EYS: variants seen among roughly 807,000 people sequenced by gnomAD.
The protein encoded by EYS is EGF-like photoreceptor maintenance factor, also known as protein eyes shut homolog.
In EYS, 250 loss-of-function variants were observed where a neutral mutation model predicts 282.1. The observed-to-expected ratio is 0.89, with a 90% CI of 0.80 to 0.98. EYS has a LOEUF of 0.98. EYS is among the 50% of genes least tolerant of loss of function. The probability of loss-of-function intolerance (pLI) is 0.00; values close to 1 mark genes in which losing one functional copy is unlikely to be tolerated. For missense variants in EYS, 4,016 were observed against 3,709.0 expected, an observed-to-expected ratio of 1.08 and a Z score of -2.15; for synonymous variants, 1,355 against 1,282.9, an observed-to-expected ratio of 1.06 and a Z score of -1.20.
At position 63,762,481 on chromosome 6, in the gene EYS, G is replaced by C; in HGVS notation, c.8051C>G (p.Thr2684Ser). ...CTCACCTTGTTCACAGTAGATTCCA[G>C]TGGTTCCTAGAGGACAGAAACAGGT... ...GYTCFCPLGT[T>S]GIYCEQALSI... Residue 2684 changes from threonine (T) to serine (S), a missense_variant, in exon 41 of 43, where the codon ACT (threonine) becomes AGT (serine). By Grantham distance (58) the Thr-to-Ser change is moderately conservative. Coordinates refer to ENST00000503581, the MANE Select transcript of EYS (RefSeq NM_001142800.2). The C allele has an allele frequency of 6.5e-7, 1 of 1,550,138 alleles. No homozygotes were observed. Among genetic ancestry groups the C allele is most frequent in the Non-Finnish European group, 8.7e-7 (1 of 1,145,900 alleles).
At chr6:64,481,108 T>C (rs755201920) in intron 26 of EYS, among the ~76,000 whole-genome samples, 6 of 151,330 alleles carry the variant, frequency 4.0e-5, no homozygotes, top group Non-Finnish European at 7.4e-5. Flanking sequence ...ATGTATTTAA[T>C]GTGCTGTTTA....
In EYS at chr6:63,984,556, T is replaced by C. The variant is rs1767266724; in HGVS notation, c.6882A>G (p.Gln2294=). The C allele has an allele frequency of 1.3e-6, 2 of 1,549,612 alleles. No individual in the cohort carries two copies. Among genetic ancestry groups the C allele is most frequent in the Non-Finnish European group, 1.7e-6 (2 of 1,145,572 alleles). The change falls in exon 35 of 43, where the codon CAA becomes CAG. Residue 2294 remains glutamine, a synonymous_variant. Coordinates refer to ENST00000503581, the MANE Select transcript of EYS (RefSeq NM_001142800.2). The stretch of plus-strand genomic sequence containing the variant: ...AAACAGGACCTGCTTTCTTATGAAT[T>C]TGAACATTTGCAGGAATATGGCCAA... ...MFLGHIPANV[Q]IHKKAGPVYG...
chr6:63,851,573 C>T (rs1030504008), intron 36 of EYS, among the ~76,000 whole-genome samples: 10 of 152,176 alleles, frequency 6.6e-5, no homozygotes, highest in Admixed American at 3.9e-4. Context: ...TGAATGACTA[C>T]TGGGTAAATA....
chr6:64,732,974 T>A (rs949988862), intron 22 of EYS, among the ~76,000 whole-genome samples: 15 of 152,196 alleles, frequency 9.9e-5, no homozygotes, highest in African/African-American at 3.6e-4. Flanking sequence ...CAGTGCTGTG[T>A]TGTGCAAATG....
intron 14 of EYS, among the ~76,000 whole-genome samples, chr6:64,958,347 A>G (rs562910449): frequency 6.6e-6 from 1 of 152,224 alleles, no homozygotes; most frequent in South Asian, 2.1e-4. Flanking sequence ...GCGCCACTGC[A>G]CTCCAGCCTG....
chr6:65,225,110 C>T (rs1299162426), intron 12 of EYS, among the ~76,000 whole-genome samples: 2 of 151,538 alleles, frequency 1.3e-5, no homozygotes, highest in African/African-American at 4.8e-5. Context: ...CAAAGTCAAA[C>T]AAAAGGAACA....
At chr6:65,380,687 C>G (rs1212713569) in intron 8 of EYS, among the ~76,000 whole-genome samples, 1 of 152,014 alleles carries the variant, frequency 6.6e-6, no homozygotes, top group Non-Finnish European at 1.5e-5. Context: ...AACAGGCAAC[C>G]TACAGAATGG....
intron 12 of EYS, among the ~76,000 whole-genome samples, chr6:65,287,958 G>C (rs1486548661): frequency 6.6e-6 from 1 of 151,062 alleles, no homozygotes; most frequent in Non-Finnish European, 1.5e-5. Context: ...AGGGATCAAA[G>C]TAGGCAAAAA....
chr6:64,397,491 A>T (rs1773417450), intron 28 of EYS, among the ~76,000 whole-genome samples: 1 of 152,014 alleles, frequency 6.6e-6, no homozygotes, highest in South Asian at 2.1e-4. Context: ...GATATAAATT[A>T]TCTATGATCA....
intron 31 of EYS, among the ~76,000 whole-genome samples, chr6:64,176,567 T>C (rs1328627276): frequency 6.6e-6 from 1 of 151,938 alleles, no homozygotes. Context: ...CTTTTGAAAT[T>C]TGGAATCTGA....
At chr6:64,412,953 GA>G (rs140853683) in intron 28 of EYS, among the ~76,000 whole-genome samples, 38 of 152,182 alleles carry the variant, frequency 2.5e-4, no homozygotes, top group East Asian at 2.1e-3. Flanking sequence ...TAATTTAGCC[GA>G]ATTTATGATG....
At chr6:65,095,065 A>C (rs1774699822) in intron 12 of EYS, among the ~76,000 whole-genome samples, 1 of 151,128 alleles carries the variant, frequency 6.6e-6, no homozygotes, top group South Asian at 2.1e-4. Flanking sequence ...GCAATTCCTC[A>C]CCAAAAGATT....
In EYS at chr6:64,258,354, T is replaced by C. The variant is rs1767472342; in HGVS notation, c.6192-27530A>G. On this transcript the variant is annotated intron_variant, in intron 30 of 42. Coordinates refer to ENST00000503581, the MANE Select transcript of EYS (RefSeq NM_001142800.2). ...AAGCTGGAGAGTGAACCCCCAAGGCTGGCCTAATGAGAATGGCACTAAAAT... is the reference window on the plus strand; with the variant it reads ...AAGCTGGAGAGTGAACCCCCAAGGCCGGCCTAATGAGAATGGCACTAAAAT... 2.0e-5 allele frequency among the ~76,000 whole-genome samples: 3 copies of C among 152,010 alleles called. No individual in the cohort carries two copies. In the South Asian group the frequency reaches 6.2e-4, roughly 31 times the overall value.
intron 15 of EYS, among the ~76,000 whole-genome samples, chr6:64,919,132 G>A (rs1267599497): frequency 6.6e-6 from 1 of 152,052 alleles, no homozygotes; most frequent in Non-Finnish European, 1.5e-5. Context: ...CGGATAGACA[G>A]TAAGCAAGAT....
chr6:64,329,298 T>C (rs1270736206), intron 29 of EYS, among the ~76,000 whole-genome samples: 1 of 152,186 alleles, frequency 6.6e-6, no homozygotes, highest in Non-Finnish European at 1.5e-5. Context: ...TGAATTTTTA[T>C]ATTTGCCAAA....
chr6:65,095,984 A>T (rs1774728283), intron 12 of EYS, among the ~76,000 whole-genome samples: 1 of 151,084 alleles, frequency 6.6e-6, no homozygotes. Context: ...TGCCATCCAA[A>T]TCAGAAAGGA....
chr6:65,175,651 C>A (rs1260479216), intron 12 of EYS, among the ~76,000 whole-genome samples: 1 of 151,200 alleles, frequency 6.6e-6, no homozygotes, highest in African/African-American at 2.4e-5. Flanking sequence ...GGTATAAGAT[C>A]CTGAAGTGTA....
chr6:64,568,535 A>AGGGGCAGCTG (rs958871351), intron 26 of EYS, among the ~76,000 whole-genome samples: 1 of 152,198 alleles, frequency 6.6e-6, no homozygotes, highest in Non-Finnish European at 1.5e-5. Context: ...ACTTAAGGGA[A>AGGGGCAGCTG]GGGGCAGCTG....
At chr6:64,727,207 G>A (rs1323794910) in intron 22 of EYS, among the ~76,000 whole-genome samples, 1 of 152,156 alleles carries the variant, frequency 6.6e-6, no homozygotes, top group Non-Finnish European at 1.5e-5. Flanking sequence ...ATAAGACTGA[G>A]GAATTAGACA....
Sources: allele counts gnomAD v4.1 joint callset (sites outside exome capture counted in the v4.1 genomes callset), GRCh38; gene constraint gnomAD v4.1.1; transcripts MANE v1.5; gene names NCBI Gene and HGNC (gene_info 2026-07-23, HGNC 2026-07-21).